MID1: variants seen among roughly 807,000 people sequenced by gnomAD.
MID1 encodes the protein midline 1, also known as E3 ubiquitin-protein ligase Midline-1.
Under a neutral mutation model 40.4 loss-of-function variants are expected in MID1, and 7 were observed. The ratio of observed to expected loss-of-function variants is 0.17; its 90% CI spans 0.10 to 0.33. MID1 has a LOEUF of 0.33. Ranked by LOEUF, MID1 falls within the 10% of genes least tolerant of loss-of-function variation. The pLI is 1.00. For synonymous variants in MID1, 229 were observed against 221.2 expected (o/e 1.04, Z -0.31); for missense variants, 367 against 558.5 (o/e 0.66, Z 3.46).
Position 10,499,479 on chromosome X carries a change from T to C in MID1, c.757-3788A>G, listed in dbSNP as rs141179521. Among the ~76,000 whole-genome samples the C allele has an allele frequency of 6.4e-3, 718 of 112,043 alleles. 7 individuals carry two copies. The highest frequency in any genetic ancestry group is 0.022 in the African/African-American group (666 of 30,897). ...GAAGTTAATTTATCTACTTTTCTAT[T>C]GTTACTTGTGCTTTTGTTGTCGTAC... On this transcript the variant is annotated intron_variant, in intron 3 of 9. Coordinates refer to ENST00000317552, the MANE Select transcript of MID1 (RefSeq NM_000381.4).
At chrX:10,784,045 A>G (rs1179108496) in intron 1 of MID1, among the ~76,000 whole-genome samples, 1 of 112,003 alleles carries the variant, frequency 8.9e-6, no homozygotes, top group Admixed American at 9.5e-5. Flanking sequence ...ATAAAATACA[A>G]TTCATTCTGC....
At chrX:10,522,525 C>A (rs1466350433) in intron 3 of MID1, among the ~76,000 whole-genome samples, 1 of 112,168 alleles carries the variant, frequency 8.9e-6, no homozygotes, top group Non-Finnish European at 1.9e-5. Flanking sequence ...GAGACGGAGT[C>A]TCCCTCTGTT....
At position 10,567,149 on chromosome X, in the gene MID1, G is replaced by A; in HGVS notation, c.399C>T (p.Thr133=). ...DQDPAQDAVK[T]CVTCEVSYCD... ...AGTAGGATACTTCACAAGTGACACA[G>A]GTCTTCACAGCGTCCTGGGCAGGAT... The change falls in exon 2 of 10, where the codon ACC becomes ACT. Residue 133 remains threonine (T), a synonymous_variant. Transcript: ENST00000317552. 1 of 1,211,504 alleles carries A rather than the reference G, an allele frequency of 8.3e-7. No homozygotes were observed. Among genetic ancestry groups the A allele is most frequent in the Non-Finnish European group, 1.1e-6 (1 of 895,456 alleles).
At chrX:10,525,725 C>T (rs1028566575) in intron 2 of MID1, among the ~76,000 whole-genome samples, 11 of 112,446 alleles carry the variant, frequency 9.8e-5, no homozygotes, top group Non-Finnish European at 1.9e-4. Context: ...GACTCAGTGC[C>T]TCTGCTTCCT....
chrX:10,490,545 A>G (rs991697004), intron 4 of MID1, among the ~76,000 whole-genome samples: 1 of 111,701 alleles, frequency 9.0e-6, no homozygotes, highest in African/African-American at 3.3e-5. Flanking sequence ...TCCTTGTATT[A>G]TAAGAATAAA....
chrX:10,461,611 T>C (rs1342002940), intron 7 of MID1, among the ~76,000 whole-genome samples: 1 of 111,853 alleles, frequency 8.9e-6, no homozygotes, highest in Non-Finnish European at 1.9e-5. Context: ...TTTTGAACTC[T>C]GAGTTCTGGG....
chrX:10,759,472 G>A (rs891539240), intron 1 of MID1, among the ~76,000 whole-genome samples: 3 of 111,518 alleles, frequency 2.7e-5, no homozygotes, highest in African/African-American at 9.8e-5. Context: ...ATCTATGCCA[G>A]TGACGGGTGA....
intron 1 of MID1, among the ~76,000 whole-genome samples, chrX:10,705,140 T>C (rs2043221721): frequency 8.9e-6 from 1 of 112,485 alleles, no homozygotes; most frequent in Admixed American, 9.4e-5. Flanking sequence ...TTTTCTTTTA[T>C]GATTTTATTT....
intron 6 of MID1, 142 bp downstream of exon 6, chrX:10,474,481 A>G (rs1929888122): frequency 1.7e-6 from 1 of 591,149 alleles, no homozygotes; most frequent in African/African-American, 2.2e-5. Context: ...AGGGCAATGC[A>G]CAGAAATTGT....
chrX:10,515,814 A>AT (rs1252783609), intron 3 of MID1, among the ~76,000 whole-genome samples: 1 of 112,178 alleles, frequency 8.9e-6, no homozygotes, highest in East Asian at 2.8e-4. Context: ...AAGGTGTTGT[A>AT]TTTGCTGTAA....
intron 7 of MID1, among the ~76,000 whole-genome samples, chrX:10,464,029 G>A (rs913697624): frequency 1.8e-5 from 2 of 112,035 alleles, no homozygotes; most frequent in African/African-American, 3.2e-5. Flanking sequence ...CAAACAACCC[G>A]GTGAGAGTAT....
intron 2 of MID1, among the ~76,000 whole-genome samples, chrX:10,529,629 G>A (rs1483927824): frequency 1.8e-5 from 2 of 111,516 alleles, no homozygotes; most frequent in Admixed American, 9.6e-5. Context: ...CTCCTGTGCT[G>A]TGCTCCTGCC....
At chrX:10,560,678 CT>C (rs1271607120) in intron 2 of MID1, among the ~76,000 whole-genome samples, 1 of 110,902 alleles carries the variant, frequency 9.0e-6, no homozygotes, top group Non-Finnish European at 1.9e-5. Flanking sequence ...CGTGAAGGAC[CT>C]CTTCAAGGAG....
rs752306878 is a variant in MID1, at chrX:10,486,420, T to G, written c.865-3792A>C. Among the ~76,000 whole-genome samples, 5 of 112,286 alleles carry G rather than the reference T, an allele frequency of 4.5e-5. No homozygotes were observed. In the Admixed American group the frequency reaches 4.7e-4, roughly 11 times the overall value. ...ATGCCCTCAGTTGCCACTGCCATCCTGGGGTGCAGGGACCCAAGTCCCCCA... is the reference window on the plus strand; with the variant it reads ...ATGCCCTCAGTTGCCACTGCCATCCGGGGGTGCAGGGACCCAAGTCCCCCA... On this transcript the variant is annotated intron_variant, in intron 4 of 9. Transcript: ENST00000317552.
intron 1 of MID1, among the ~76,000 whole-genome samples, chrX:10,617,210 C>T (rs770848218): frequency 8.9e-6 from 1 of 112,214 alleles, no homozygotes; most frequent in African/African-American, 3.2e-5. Context: ...TCTCTTTATA[C>T]TTAACCTTTC....
At chrX:10,598,155 G>C (rs757812147) in intron 1 of MID1, among the ~76,000 whole-genome samples, 5 of 111,966 alleles carry the variant, frequency 4.5e-5, no homozygotes, top group African/African-American at 1.6e-4. Context: ...AGTGCTTCTT[G>C]GCACCAACAC....
rs398123341 is a variant in MID1, at chrX:10,449,709, T to G, written c.1663A>C (p.Ile555Leu). Residue 555 changes from isoleucine to leucine, a missense_variant, in exon 10 of 10, where the codon ATT becomes CTT. Coordinates refer to ENST00000317552, the MANE Select transcript of MID1 (RefSeq NM_000381.4). ...GGGGCTGATTTGTAAGCAAGACCAA[T>G]GGCATACCTGCGGAAACAAAACAGC... ...VVISGSTWYAIGLAYKSAPKH... is the reference protein window; with the variant it reads ...VVISGSTWYALGLAYKSAPKH... The G allele has an allele frequency of 6.3e-5, 75 of 1,199,830 alleles. No homozygotes were observed. The highest frequency in any genetic ancestry group is 8.1e-5 in the Non-Finnish European group (72 of 886,262).
chrX:10,803,937 C>T (rs1312130887), intron 1 of MID1, among the ~76,000 whole-genome samples: 1 of 110,793 alleles, frequency 9.0e-6, no homozygotes, highest in African/African-American at 3.3e-5. Flanking sequence ...CACTGTTCTT[C>T]AATATTCTGT....
At chrX:10,740,536 C>A (rs1302869158) in intron 1 of MID1, among the ~76,000 whole-genome samples, 2 of 112,185 alleles carry the variant, frequency 1.8e-5, no homozygotes, top group African/African-American at 6.5e-5. Context: ...AGAATTGCAA[C>A]ACAGTGATTA....
Sources: allele counts gnomAD v4.1 joint callset (sites outside exome capture counted in the v4.1 genomes callset), GRCh38; gene constraint gnomAD v4.1.1; transcripts MANE v1.5; gene names NCBI Gene and HGNC (gene_info 2026-07-23, HGNC 2026-07-21).